Variants in UAP1 observed in about 807,000 individuals in gnomAD.
The protein encoded by UAP1 is UDP-N-acetylglucosamine pyrophosphorylase 1.
Under a neutral mutation model 58.5 loss-of-function variants are expected in UAP1, and 25 were observed. The ratio of observed to expected loss-of-function variants is 0.43; its 90% CI spans 0.31 to 0.60. The LOEUF (loss-of-function observed/expected upper bound fraction) is 0.60. UAP1 is among the 20% of genes least tolerant of loss of function. The pLI, the probability that UAP1 is intolerant of heterozygous loss-of-function variation, is 0.11. For missense variants in UAP1, 575 were observed against 630.0 expected (o/e 0.91, Z 0.93); for synonymous variants, 208 against 213.0 (o/e 0.98, Z 0.21).
At chr1:162,588,611 A>G in intron 6 of UAP1, 82 bp from the exon 7 acceptor site, 1 of 1,451,820 alleles carries the variant, frequency 6.9e-7, no homozygotes. Context: ...GGTTGTTGAC[A>G]CATTTGCTCC....
At chr1:162,578,276 C>A (rs1654337672) in intron 3 of UAP1, among the ~76,000 whole-genome samples, 1 of 152,146 alleles carries the variant, frequency 6.6e-6, no homozygotes, top group South Asian at 2.1e-4. Context: ...CCATATTCAC[C>A]ACTAGCCTGT....
chr1:162,579,482 G>A, exon 4 of UAP1: 3 of 1,610,034 alleles, frequency 1.9e-6, no homozygotes, highest in Admixed American at 3.4e-5. Context: ...TCTTCACCAA[G>A]CACAAGTACT....
chr1:162,575,819 G>A (rs1654147370), intron 2 of UAP1, among the ~76,000 whole-genome samples: 1 of 151,800 alleles, frequency 6.6e-6, no homozygotes, highest in Admixed American at 6.6e-5. Context: ...TCCTGTTTCA[G>A]CCTACAGGTG....
rs746945439 is a variant in UAP1 at position 162,597,778 on chromosome 1, GT to G, written c.1410-6del. 6.2e-7 allele frequency: 1 copy of G among 1,609,488 alleles called. No individual in the cohort carries two copies. The highest frequency in any genetic ancestry group is 1.7e-5 in the Admixed American group (1 of 59,620). On this transcript the variant is annotated splice_polypyrimidine_tract_variant and intron_variant, in intron 9 of 10. Coordinates refer to ENST00000271469, the Ensembl canonical transcript of UAP1. ...GAAGCAAAGTCTTTAACACATACTT[GT>G]TTTTTTTCTTAGCTTGAAGGATGCC... is the stretch of plus-strand genomic sequence containing the variant.
chr1:162,562,772 A>G (rs1468869571), intron 1 of UAP1, among the ~76,000 whole-genome samples: 2 of 152,286 alleles, frequency 1.3e-5, no homozygotes, highest in South Asian at 2.1e-4. Context: ...TGTGCTGCCA[A>G]GCATTTATAG....
chr1:162,587,611 A>C, exon 6 of UAP1: 5 of 1,614,142 alleles, frequency 3.1e-6, no homozygotes, highest in Non-Finnish European at 4.2e-6. Flanking sequence ...CTGCTGTTCA[A>C]TGCGGGGAAC....
intron 10 of UAP1, 69 bp downstream of exon 10, chr1:162,597,927 G>A: frequency 7.2e-7 from 1 of 1,393,126 alleles, no homozygotes; most frequent in Non-Finnish European, 1.0e-6. Flanking sequence ...ATGAAAAAGT[G>A]GATTTTAAAT....
In UAP1 at chr1:162,590,310, G is replaced by T; in HGVS notation, c.1170-13G>T. The T allele has an allele frequency of 6.2e-7, 1 of 1,603,094 alleles. No individual in the cohort carries two copies. Among genetic ancestry groups the T allele is most frequent in the South Asian group, 1.1e-5 (1 of 89,120 alleles). ...TTTCATAATAAAGAGGTCTTTATAT[G>T]GTTTCGCTCTAGGAAGTTTGTGGTA... On this transcript the variant is annotated splice_polypyrimidine_tract_variant and intron_variant, in intron 7 of 10. Coordinates refer to ENST00000271469, the Ensembl canonical transcript of UAP1.
At chr1:162,597,928 G>A in intron 10 of UAP1, 70 bp downstream of exon 10, 1 of 1,349,404 alleles carries the variant, frequency 7.4e-7, no homozygotes, top group South Asian at 1.3e-5. Context: ...TGAAAAAGTG[G>A]ATTTTAAATG....
intron 5 of UAP1, among the ~76,000 whole-genome samples, chr1:162,586,311 A>G (rs1157782066): frequency 6.6e-6 from 1 of 152,134 alleles, no homozygotes; most frequent in Non-Finnish European, 1.5e-5. Context: ...GACAAACAAA[A>G]CAATACCTTC....
intron 5 of UAP1, among the ~76,000 whole-genome samples, chr1:162,585,149 C>T (rs1468030434): frequency 2.6e-5 from 4 of 152,186 alleles, no homozygotes; most frequent in African/African-American, 7.2e-5. Context: ...CTTGGCCTCC[C>T]GGAGTGCTGG....
chr1:162,564,399 T>TGTTCTTCAAGTA (rs1335423437), intron 1 of UAP1, among the ~76,000 whole-genome samples: 2 of 152,224 alleles, frequency 1.3e-5, no homozygotes, highest in African/African-American at 4.8e-5. Context: ...TGTGTATTAC[T>TGTTCTTCAAGTA]TTTCACTGTT....
At chr1:162,587,973 T>A (rs983100971) in intron 6 of UAP1, 9 of 227,412 alleles carry the variant, frequency 4.0e-5, no homozygotes, top group East Asian at 1.8e-4. Context: ...AATGAAACTT[T>A]CTTTACCACA....
At chr1:162,578,732 C>G (rs548609832) in intron 3 of UAP1, among the ~76,000 whole-genome samples, 37 of 152,244 alleles carry the variant, frequency 2.4e-4, no homozygotes, top group African/African-American at 8.7e-4. Context: ...AGACAGATAC[C>G]TCCTGTGGTA....
At chr1:162,583,656 G>A (rs572284087) in intron 5 of UAP1, among the ~76,000 whole-genome samples, 2 of 152,034 alleles carry the variant, frequency 1.3e-5, no homozygotes, top group East Asian at 3.9e-4. Flanking sequence ...ATTTGACAGG[G>A]TCTGGCTCTG....
chr1:162,582,921 G>C (rs911608304), intron 5 of UAP1, among the ~76,000 whole-genome samples: 2 of 151,476 alleles, frequency 1.3e-5, no homozygotes, highest in African/African-American at 4.9e-5. Context: ...AATAAGTGTT[G>C]GTTTAGTTCA....
intron 6 of UAP1, chr1:162,588,247 C>T (rs772213867): frequency 5.7e-4 from 89 of 155,388 alleles, no homozygotes; most frequent in Non-Finnish European, 1.2e-3. Flanking sequence ...GACATTCTCA[C>T]TATCGATTTC....
At chr1:162,562,382 T>G (rs1653204779) in intron 1 of UAP1, 1 of 151,808 alleles carries the variant, frequency 6.6e-6, no homozygotes, top group African/African-American at 2.4e-5. Flanking sequence ...GCTTGCCACT[T>G]TTTTCTTTCT....
At chr1:162,581,345 G>C in exon 5 of UAP1, 1 of 1,614,066 alleles carries the variant, frequency 6.2e-7, no homozygotes, top group Non-Finnish European at 8.5e-7. Context: ...AGGATATGGA[G>C]CAAAGAGGCA....
Sources: allele counts gnomAD v4.1 joint callset (sites outside exome capture counted in the v4.1 genomes callset), GRCh38; gene constraint gnomAD v4.1.1; transcripts MANE v1.5; gene names NCBI Gene and HGNC (gene_info 2026-07-23, HGNC 2026-07-21).